Variants in SRGAP1 observed in about 807,000 individuals in gnomAD.
The protein encoded by SRGAP1 is SLIT-ROBO Rho GTPase activating protein 1.
SRGAP1 carries 43 observed loss-of-function variants against 121.9 expected under a neutral mutation model. The observed-to-expected ratio is 0.35, with a 90% CI of 0.28 to 0.46. SRGAP1 has a LOEUF of 0.46. SRGAP1 is among the 20% of genes least tolerant of loss of function. SRGAP1 has a pLI of 1.00. For synonymous variants in SRGAP1, 447 were observed against 485.4 expected (o/e 0.92, Z 1.04); for missense variants, 1,102 against 1,350.9 (o/e 0.82, Z 2.89).
intron 21 of SRGAP1, among the ~76,000 whole-genome samples, chr12:64,140,819 A>G (rs1014157015): frequency 1.5e-5 from 2 of 133,746 alleles, no homozygotes; most frequent in Admixed American, 7.9e-5. Context: ...AGACACATGC[A>G]CACGTATGTT....
intron 18 of SRGAP1, among the ~76,000 whole-genome samples, chr12:64,116,410 T>C (rs1304722130): frequency 6.6e-6 from 1 of 152,152 alleles, no homozygotes; most frequent in Non-Finnish European, 1.5e-5. Context: ...TCTGACTGCT[T>C]TACTTACCCC....
At chr12:63,906,574 A>G (rs1486126077) in intron 1 of SRGAP1, among the ~76,000 whole-genome samples, 1 of 151,928 alleles carries the variant, frequency 6.6e-6, no homozygotes, top group Non-Finnish European at 1.5e-5. Flanking sequence ...CGGCCTCCCA[A>G]AGTGCTGGGA....
chr12:64,012,037 A>G (rs1041139233), intron 3 of SRGAP1, among the ~76,000 whole-genome samples: 2 of 151,668 alleles, frequency 1.3e-5, no homozygotes, highest in African/African-American at 4.9e-5. Context: ...ACTTCAGCCT[A>G]GGTGACAGAG....
At chr12:64,048,119 A>G (rs186653755) in intron 6 of SRGAP1, among the ~76,000 whole-genome samples, 13 of 151,476 alleles carry the variant, frequency 8.6e-5, no homozygotes, top group Non-Finnish European at 1.2e-4. Context: ...TATTCGTTCT[A>G]TCTAACTATA....
At chr12:64,052,228 A>T (rs573174147) in intron 6 of SRGAP1, among the ~76,000 whole-genome samples, 2 of 152,212 alleles carry the variant, frequency 1.3e-5, no homozygotes, top group South Asian at 2.1e-4. Flanking sequence ...GGGAGGGGGA[A>T]CTTGGAGAAC....
At chr12:63,938,759 C>A (rs1039313905) in intron 1 of SRGAP1, among the ~76,000 whole-genome samples, 3 of 150,638 alleles carry the variant, frequency 2.0e-5, no homozygotes, top group African/African-American at 7.3e-5. Flanking sequence ...TTTTTTCCAG[C>A]CTGAAATTCC....
chr12:64,026,502 C>T (rs1046675250), intron 4 of SRGAP1, among the ~76,000 whole-genome samples: 1 of 152,144 alleles, frequency 6.6e-6, no homozygotes, highest in Non-Finnish European at 1.5e-5. Context: ...TTTTCTAACT[C>T]ACATGATTAT....
At chr12:64,027,614 A>C (rs2034682323) in intron 4 of SRGAP1, among the ~76,000 whole-genome samples, 1 of 152,160 alleles carries the variant, frequency 6.6e-6, no homozygotes, top group Admixed American at 6.5e-5. Context: ...AGAGAAAATC[A>C]GAAGTTGAAT....
intron 11 of SRGAP1, among the ~76,000 whole-genome samples, chr12:64,087,866 CT>C (rs2035977744): frequency 6.6e-6 from 1 of 152,150 alleles, no homozygotes; most frequent in African/African-American, 2.4e-5. Context: ...CCATATTGTA[CT>C]TTCTTCATTC....
At chr12:64,023,202 A>AT (rs2034586948) in intron 4 of SRGAP1, among the ~76,000 whole-genome samples, 1 of 84,322 alleles carries the variant, frequency 1.2e-5, no homozygotes, top group Non-Finnish European at 2.4e-5. Context: ...TTACTTTTGT[A>AT]CCAAAAAAAA....
intron 2 of SRGAP1, 29 bp downstream of exon 2, chr12:63,984,171 C>G: frequency 2.3e-6 from 3 of 1,305,754 alleles, no homozygotes; most frequent in African/African-American, 1.5e-5. Context: ...ATTCACCTTT[C>G]CAAGGGTGAT....
chr12:64,051,299 T>A (rs1020172213), intron 6 of SRGAP1, among the ~76,000 whole-genome samples: 1 of 152,206 alleles, frequency 6.6e-6, no homozygotes, highest in Non-Finnish European at 1.5e-5. Flanking sequence ...CTTTGGGTGA[T>A]GTGACTTCGA....
chr12:64,159,923 T>C lies in SRGAP1; in HGVS notation c.*17251T>C, dbSNP rs902759160. ...GCATAATGTAGCCTTTCCTGATGCA[T>C]ACAATTACTTTTCCTTTCTTTTTTC... On this transcript the variant is annotated 3_prime_UTR_variant, in exon 22 of 22. Coordinates refer to ENST00000355086, the MANE Select transcript of SRGAP1 (RefSeq NM_020762.4). 1 of 152,238 alleles carries C rather than the reference T, an allele frequency of 6.6e-6. No individual in the cohort carries two copies. The highest frequency in any genetic ancestry group is 2.4e-5 in the African/African-American group (1 of 41,464). 9.4% of individuals were successfully genotyped at this position (152,238 alleles called of 1,614,324 possible).
chr12:63,940,026 A>G (rs1002547993), intron 1 of SRGAP1, among the ~76,000 whole-genome samples: 1 of 151,816 alleles, frequency 6.6e-6, no homozygotes, highest in Non-Finnish European at 1.5e-5. Context: ...CAGTGGCGCA[A>G]TCTCGGCTCA....
intron 15 of SRGAP1, among the ~76,000 whole-genome samples, chr12:64,106,059 G>T (rs1179245022): frequency 6.6e-6 from 1 of 151,998 alleles, no homozygotes; most frequent in African/African-American, 2.4e-5. Flanking sequence ...TTCCTCTGTT[G>T]CCCAGACTAG....
At chr12:63,866,450 TATAAA>T (rs1455296082) in intron 1 of SRGAP1, among the ~76,000 whole-genome samples, 6 of 152,148 alleles carry the variant, frequency 3.9e-5, no homozygotes, top group Non-Finnish European at 8.8e-5. Context: ...CTAAAATAAA[TATAAA>T]ATAAAAAGCA....
At chr12:63,900,219 T>C (rs1430994990) in intron 1 of SRGAP1, among the ~76,000 whole-genome samples, 2 of 146,326 alleles carry the variant, frequency 1.4e-5, no homozygotes, top group Non-Finnish European at 3.0e-5. Flanking sequence ...TTTTTTTTTT[T>C]TTTTGAGGTG....
chr12:63,985,825 C>G (rs2033397884), intron 2 of SRGAP1, among the ~76,000 whole-genome samples: 1 of 152,126 alleles, frequency 6.6e-6, no homozygotes, highest in South Asian at 2.1e-4. Context: ...ACCCCTCTAC[C>G]CACCTTCACA....
intron 1 of SRGAP1, among the ~76,000 whole-genome samples, chr12:63,885,809 G>T (rs886099964): frequency 1.3e-5 from 2 of 152,166 alleles, no homozygotes; most frequent in African/African-American, 4.8e-5. Context: ...AAGGGCTATT[G>T]GAAGTTATGA....
Sources: gnomAD v4.1 joint callset for allele counts (sites outside exome capture counted in the v4.1 genomes callset) on GRCh38, gnomAD v4.1.1 for gene constraint, MANE v1.5 for transcripts, NCBI Gene and HGNC (gene_info 2026-07-23, HGNC 2026-07-21) for gene names.